GNA12: variants seen among roughly 807,000 people sequenced by gnomAD.
GNA12 encodes the protein G protein subunit alpha 12.
GNA12 carries 9 observed loss-of-function variants against 26.0 expected under a neutral mutation model. The ratio of observed to expected loss-of-function variants is 0.35; its 90% CI spans 0.21 to 0.60. GNA12 has a LOEUF of 0.60. Among genes scored for constraint, GNA12 ranks in the 20% least tolerant of loss-of-function variants. GNA12 has a pLI of 0.78. For missense variants in GNA12, 405 were observed against 525.8 expected (o/e 0.77, Z 2.25); for synonymous variants, 264 against 219.6 (o/e 1.20, Z -1.79).
chr7:2,769,191 A>G (rs1791887650), intron 2 of GNA12, among the ~76,000 whole-genome samples: 1 of 151,474 alleles, frequency 6.6e-6, no homozygotes, highest in African/African-American at 2.4e-5. Context: ...GGCGTGAGCC[A>G]CCATGCCCAG....
intron 1 of GNA12, among the ~76,000 whole-genome samples, chr7:2,842,323 T>C (rs911978493): frequency 3.6e-5 from 4 of 111,270 alleles, no homozygotes; most frequent in Non-Finnish European, 7.5e-5. Flanking sequence ...GGTTCTTTTA[T>C]TTTTTTTCAC....
At position 2,761,158 on chromosome 7, in the gene GNA12, G is replaced by A. The variant is rs151030161; in HGVS notation, c.526-27657C>T. On this transcript the variant is annotated intron_variant, in intron 2 of 3. Coordinates refer to ENST00000275364, the MANE Select transcript of GNA12 (RefSeq NM_007353.3). Reference sequence around the variant, plus strand: ...AGTTATGCGGATGGGAGACAACCACGGCCGCCTCACCGAGCCACCGTGCAC... The same window carrying A: ...AGTTATGCGGATGGGAGACAACCACAGCCGCCTCACCGAGCCACCGTGCAC... Among the ~76,000 whole-genome samples the A allele has an allele frequency of 6.3e-3, 966 of 152,222 alleles. 6 individuals carry two copies. Among genetic ancestry groups the A allele is most frequent in the African/African-American group, 0.022 (917 of 41,534 alleles).
intron 2 of GNA12, among the ~76,000 whole-genome samples, chr7:2,761,659 C>T (rs555595081): frequency 6.6e-6 from 1 of 152,304 alleles, no homozygotes; most frequent in Non-Finnish European, 1.5e-5. Flanking sequence ...GACAATTTCA[C>T]AGGATTTACA....
intron 1 of GNA12, among the ~76,000 whole-genome samples, chr7:2,820,062 G>A (rs1446744107): frequency 6.6e-6 from 1 of 152,210 alleles, no homozygotes; most frequent in African/African-American, 2.4e-5. Context: ...ACGATGCCAC[G>A]CTACAGCATG....
chr7:2,787,184 G>A (rs1210379951), intron 2 of GNA12, among the ~76,000 whole-genome samples: 1 of 152,174 alleles, frequency 6.6e-6, no homozygotes, highest in Non-Finnish European at 1.5e-5. Flanking sequence ...AGGCGAGGTG[G>A]CCTGTGAATC....
At chr7:2,738,356 C>T (rs925042901) in intron 2 of GNA12, among the ~76,000 whole-genome samples, 4 of 152,060 alleles carry the variant, frequency 2.6e-5, no homozygotes, top group African/African-American at 9.7e-5. Flanking sequence ...GCTGTCACTG[C>T]AGGAAACGTC....
chr7:2,789,565 T>C (rs984184668), intron 2 of GNA12, among the ~76,000 whole-genome samples: 52 of 152,326 alleles, frequency 3.4e-4, no homozygotes, highest in African/African-American at 1.3e-3. Context: ...GCTTGGTACA[T>C]GTGGCCGCAG....
At chr7:2,842,016 AAAGGAAGGGAGG>A (rs543209625) in intron 1 of GNA12, among the ~76,000 whole-genome samples, 17,060 of 69,846 alleles carry the variant, frequency 0.24, 1,106 homozygotes, top group Middle Eastern at 0.41. Flanking sequence ...AGGGAGGGAG[AAAGGAAGGGAGG>A]AAGGAAGAAA....
intron 2 of GNA12, among the ~76,000 whole-genome samples, chr7:2,742,124 A>C (rs2115331285): frequency 1.3e-5 from 2 of 151,842 alleles, no homozygotes; most frequent in Admixed American, 1.3e-4. Flanking sequence ...CAGGTTCAAG[A>C]GATTCTCCTG....
chr7:2,802,867 G>C (rs554367173), intron 1 of GNA12, among the ~76,000 whole-genome samples: 1 of 152,214 alleles, frequency 6.6e-6, no homozygotes, highest in Non-Finnish European at 1.5e-5. Flanking sequence ...AAAGGTCAGC[G>C]AGAAACTGAC....
intron 2 of GNA12, among the ~76,000 whole-genome samples, chr7:2,774,382 G>T (rs866826418): frequency 3.9e-5 from 6 of 152,180 alleles, no homozygotes; most frequent in Non-Finnish European, 8.8e-5. Flanking sequence ...AGATTGTCAG[G>T]TAAGATTTCA....
intron 2 of GNA12, among the ~76,000 whole-genome samples, chr7:2,757,364 C>T (rs1247275114): frequency 3.9e-5 from 6 of 152,046 alleles, no homozygotes; most frequent in African/African-American, 1.4e-4. Context: ...AAAAGAGGTG[C>T]TCTCCTGCTG....
intron 2 of GNA12, among the ~76,000 whole-genome samples, chr7:2,791,298 G>A (rs1051573592): frequency 1.3e-5 from 2 of 152,182 alleles, no homozygotes; most frequent in South Asian, 2.1e-4. Flanking sequence ...GATGCTCATG[G>A]GGTGTCTGCT....
At chr7:2,737,278 T>TGG (rs1322016838) in intron 2 of GNA12, among the ~76,000 whole-genome samples, 2 of 71,642 alleles carry the variant, frequency 2.8e-5, no homozygotes, top group African/African-American at 1.1e-4. Context: ...TGTTTTGTTT[T>TGG]TTTTTTTTTT....
intron 1 of GNA12, among the ~76,000 whole-genome samples, chr7:2,803,825 A>C (rs1033816609): frequency 6.6e-6 from 1 of 152,116 alleles, no homozygotes; most frequent in African/African-American, 2.4e-5. Context: ...AACAAACAAA[A>C]AAACAACTCC....
At chr7:2,781,023 G>A (rs6461604) in intron 2 of GNA12, among the ~76,000 whole-genome samples, 1,857 of 152,312 alleles carry the variant, frequency 0.012, 50 homozygotes, top group African/African-American at 0.043. Flanking sequence ...TCTTGGCATT[G>A]TCACGTTTTA....
intron 2 of GNA12, among the ~76,000 whole-genome samples, chr7:2,734,316 A>G (rs2115293995): frequency 6.6e-6 from 1 of 152,330 alleles, no homozygotes; most frequent in South Asian, 2.1e-4. Flanking sequence ...AGCGTATTAA[A>G]AACCAATTAT....
At chr7:2,753,826 A>G (rs1791153274) in intron 2 of GNA12, among the ~76,000 whole-genome samples, 1 of 152,034 alleles carries the variant, frequency 6.6e-6, no homozygotes, top group South Asian at 2.1e-4. Flanking sequence ...CTTCTGGGAT[A>G]TCTTTTTCTT....
intron 2 of GNA12, among the ~76,000 whole-genome samples, chr7:2,793,012 C>T (rs143262702): frequency 7.7e-4 from 118 of 152,350 alleles, no homozygotes; most frequent in Non-Finnish European, 1.2e-3. Context: ...GACAATATCA[C>T]GCACTTCCTG....
Sources: gnomAD v4.1 joint callset for allele counts (sites outside exome capture counted in the v4.1 genomes callset) on GRCh38, gnomAD v4.1.1 for gene constraint, MANE v1.5 for transcripts, NCBI Gene and HGNC (gene_info 2026-07-23, HGNC 2026-07-21) for gene names.